The following BICC1 variants were observed in gnomAD, a reference collection of about 807,000 sequenced individuals.
The protein encoded by BICC1 is protein bicaudal C homolog 1.
Under a neutral mutation model 111.0 loss-of-function variants are expected in BICC1, and 43 were observed. The ratio of observed to expected loss-of-function variants is 0.39; its 90% CI spans 0.30 to 0.50. BICC1 has a LOEUF of 0.50. Ranked by LOEUF, BICC1 falls within the 20% of genes least tolerant of loss-of-function variation. The pLI is 0.88. For synonymous variants in BICC1, 467 were observed against 434.4 expected (o/e 1.07, Z -0.93); for missense variants, 1,091 against 1,203.2 (o/e 0.91, Z 1.38).
intron 3 of BICC1, among the ~76,000 whole-genome samples, chr10:58,768,661 GAC>G (rs1842525662): frequency 6.8e-6 from 1 of 147,780 alleles, no homozygotes; most frequent in Non-Finnish European, 1.5e-5. Context: ...TGTTAATGGA[GAC>G]ACAATATAAA....
intron 20 of BICC1, among the ~76,000 whole-genome samples, chr10:58,824,442 G>A (rs535300353): frequency 1.3e-5 from 2 of 152,290 alleles, no homozygotes; most frequent in South Asian, 2.1e-4. Flanking sequence ...GATGTCTCCA[G>A]TGTTGCTTTG....
chr10:58,759,920 C>T (rs1228487559), intron 3 of BICC1, among the ~76,000 whole-genome samples: 10 of 149,402 alleles, frequency 6.7e-5, no homozygotes, highest in Non-Finnish European at 4.4e-5. Context: ...GATCGCGCTA[C>T]CACACTCCAG....
intron 17 of BICC1, among the ~76,000 whole-genome samples, chr10:58,811,216 C>T (rs1176832392): frequency 1.3e-5 from 2 of 152,160 alleles, no homozygotes; most frequent in African/African-American, 2.4e-5. Flanking sequence ...GTAACTGTGT[C>T]ACATCAATAA....
At chr10:58,639,534 A>C (rs1477024389) in intron 2 of BICC1, among the ~76,000 whole-genome samples, 1 of 143,896 alleles carries the variant, frequency 6.9e-6, no homozygotes, top group Non-Finnish European at 1.5e-5. Context: ...AGTAGCTGGG[A>C]TTACAGGCGC....
At chr10:58,714,498 G>A (rs1840675388) in intron 3 of BICC1, among the ~76,000 whole-genome samples, 1 of 152,126 alleles carries the variant, frequency 6.6e-6, no homozygotes, top group African/African-American at 2.4e-5. Flanking sequence ...TTCACGTTAT[G>A]CCTTTGTGCC....
chr10:58,667,422 A>C, intron 2 of BICC1, among the ~76,000 whole-genome samples: 1 of 151,998 alleles, frequency 6.6e-6, no homozygotes, highest in Non-Finnish European at 1.5e-5. Context: ...CAAAAGTAGA[A>C]GTCTTTGGAT....
intron 2 of BICC1, among the ~76,000 whole-genome samples, chr10:58,623,704 G>A (rs1026606595): frequency 3.9e-5 from 6 of 152,094 alleles, no homozygotes; most frequent in South Asian, 2.1e-4. Flanking sequence ...CTTCATCTCC[G>A]TTGTTGAAGC....
At chr10:58,518,596 G>C (rs535423562) in intron 1 of BICC1, among the ~76,000 whole-genome samples, 2,451 of 139,408 alleles carry the variant, frequency 0.018, 128 homozygotes, top group African/African-American at 0.061. Flanking sequence ...GTGTTGGGGG[G>C]GGGGGGGTGT....
At chr10:58,586,944 C>T (rs1372782061) in intron 1 of BICC1, among the ~76,000 whole-genome samples, 1 of 152,082 alleles carries the variant, frequency 6.6e-6, no homozygotes, top group Admixed American at 6.5e-5. Flanking sequence ...CATTTGTTCT[C>T]TATGGGAGAG....
chr10:58,606,874 T>C (rs1298544550), intron 1 of BICC1, among the ~76,000 whole-genome samples: 1 of 152,232 alleles, frequency 6.6e-6, no homozygotes, highest in Non-Finnish European at 1.5e-5. Context: ...GTTTTCTTTT[T>C]CTGGAAATTC....
chr10:58,542,150 C>CAAAAAAAAAAAAAAAA (rs149049552), intron 1 of BICC1, among the ~76,000 whole-genome samples: 1 of 82,354 alleles, frequency 1.2e-5, no homozygotes, highest in Non-Finnish European at 2.2e-5. Flanking sequence ...GACCCTGTCT[C>CAAAAAAAAAAAAAAAA]AAAAAAAAAA....
chr10:58,679,468 C>G (rs1839447452), intron 2 of BICC1, among the ~76,000 whole-genome samples: 1 of 152,124 alleles, frequency 6.6e-6, no homozygotes, highest in South Asian at 2.1e-4. Flanking sequence ...CACATACACC[C>G]TCCAAAGACT....
At chr10:58,670,513 G>A (rs1839152609) in intron 2 of BICC1, among the ~76,000 whole-genome samples, 1 of 152,096 alleles carries the variant, frequency 6.6e-6, no homozygotes, top group Non-Finnish European at 1.5e-5. Context: ...GAGTAAATGT[G>A]AAGAAGAGAA....
intron 2 of BICC1, among the ~76,000 whole-genome samples, chr10:58,630,513 A>G (rs11006212): frequency 0.35 from 53,622 of 151,852 alleles, 10,492 homozygotes; most frequent in East Asian, 0.48. Flanking sequence ...ACTACAGCCT[A>G]GAACTCCTGG....
In BICC1 at chr10:58,799,216, C is replaced by CA; in HGVS notation, c.1696dup (p.Ile566AsnfsTer44). The CA allele has an allele frequency of 1.2e-6, 2 of 1,611,048 alleles. No individual in the cohort carries two copies. Among genetic ancestry groups the CA allele is most frequent in the Non-Finnish European group, 1.7e-6 (2 of 1,178,540 alleles). On this transcript the variant is annotated frameshift_variant, in exon 12 of 21. Coordinates refer to ENST00000373886, the MANE Select transcript of BICC1 (RefSeq NM_001080512.3). LOFTEE classifies it high-confidence loss of function. ...ATATCAACAGTATGCAGACCGAAGG[C>CA]AAAAAAATCTCTGCTGCTTTAAATG...
At chr10:58,736,392 T>TAG in intron 3 of BICC1, among the ~76,000 whole-genome samples, 2 of 104,566 alleles carry the variant, frequency 1.9e-5, no homozygotes, top group South Asian at 6.5e-4. Context: ...AAACAACATA[T>TAG]GTAGAATTTT....
chr10:58,563,020 A>G (rs1843653336), intron 1 of BICC1, among the ~76,000 whole-genome samples: 1 of 151,966 alleles, frequency 6.6e-6, no homozygotes, highest in Non-Finnish European at 1.5e-5. Flanking sequence ...TCTCCTCTCT[A>G]TGCTGGGCCA....
intron 1 of BICC1, among the ~76,000 whole-genome samples, chr10:58,534,926 C>T (rs1422023192): frequency 1.3e-5 from 2 of 151,080 alleles, no homozygotes; most frequent in African/African-American, 2.4e-5. Context: ...AAATGAAAGA[C>T]ACACTTAGGG....
intron 19 of BICC1, among the ~76,000 whole-genome samples, chr10:58,818,295 T>C (rs948309268): frequency 6.6e-6 from 1 of 152,200 alleles, no homozygotes; most frequent in Non-Finnish European, 1.5e-5. Context: ...TTGGTCAAAC[T>C]GATTAGCCAT....
Sources: allele counts gnomAD v4.1 joint callset (sites outside exome capture counted in the v4.1 genomes callset), GRCh38; gene constraint gnomAD v4.1.1; transcripts MANE v1.5; gene names NCBI Gene and HGNC (gene_info 2026-07-23, HGNC 2026-07-21).